Variants in IL31RA observed in about 807,000 individuals in gnomAD.
IL31RA encodes interleukin 31 receptor A, also known as interleukin-31 receptor subunit alpha.
A neutral mutation model predicts 83.7 loss-of-function variants in IL31RA; 66 were observed. That is an observed-to-expected ratio of 0.79 (90% CI 0.65 to 0.97). The LOEUF is 0.97. Ranked by LOEUF, IL31RA falls within the 50% of genes least tolerant of loss-of-function variation. IL31RA has a pLI of 0.00. For missense variants in IL31RA, 798 were observed against 919.4 expected (o/e 0.87, Z 1.71); for synonymous variants, 325 against 329.0 (o/e 0.99, Z 0.13).
chr5:55,901,598 T>C (rs954994741), intron 8 of IL31RA, among the ~76,000 whole-genome samples: 7 of 130,704 alleles, frequency 5.4e-5, no homozygotes, highest in Admixed American at 1.4e-4. Flanking sequence ...TTATTATTAT[T>C]ATTATTATTA....
At chr5:55,885,006 AATT>A (rs1361155740) in intron 5 of IL31RA, among the ~76,000 whole-genome samples, 1 of 152,218 alleles carries the variant, frequency 6.6e-6, no homozygotes, top group Non-Finnish European at 1.5e-5. Context: ...ACCTTTATCT[AATT>A]ATTAATAAAA....
At position 55,921,157 on chromosome 5, in the gene IL31RA, T is replaced by C. The variant is rs1282781135; in HGVS notation, c.*4037T>C. Among the ~76,000 whole-genome samples, 3 of 152,234 alleles carry C rather than the reference T, an allele frequency of 2.0e-5. No individual in the cohort carries two copies. The highest frequency in any genetic ancestry group is 4.4e-5 in the Non-Finnish European group (3 of 68,042). On this transcript the variant is annotated 3_prime_UTR_variant, in exon 15 of 15. Transcript: ENST00000652347. ...CTCCCCTCTAGGTGTCCCCTCTTTT[T>C]TCTAATTTAAAATTTGTTTTAAATT...
Position 55,913,565 on chromosome 5 carries a change from A to C in IL31RA, c.1731A>C (p.Lys577Asn). The stretch of plus-strand genomic sequence containing the variant: ...TGACAGTGGCATATGGTCTCAAAAA[A>C]CCCAAGTGAGTCTGCAGACAACAGT... ...IILTVAYGLK[K>N]PNKLTHLCWP... Residue 577 changes from lysine (K) to asparagine (N), a missense_variant, in exon 13 of 15, where the codon AAA becomes AAC. Coordinates refer to ENST00000652347, the MANE Select transcript of IL31RA (RefSeq NM_139017.7). 4 of 1,606,728 alleles carry C rather than the reference A, an allele frequency of 2.5e-6. No individual in the cohort carries two copies. The highest frequency in any genetic ancestry group is 3.4e-6 in the Non-Finnish European group (4 of 1,173,268).
chr5:55,867,276 T>TGC (rs1746218652), intron 2 of IL31RA, among the ~76,000 whole-genome samples: 1 of 103,026 alleles, frequency 9.7e-6, no homozygotes. Context: ...TGCGTGTGTG[T>TGC]GCATGTGTGT....
At chr5:55,881,086 A>C (rs1295069781) in intron 4 of IL31RA, among the ~76,000 whole-genome samples, 1 of 152,100 alleles carries the variant, frequency 6.6e-6, no homozygotes, top group Non-Finnish European at 1.5e-5. Flanking sequence ...GCGGATCACG[A>C]GGTCAGGAGC....
chr5:55,896,508 T>G, intron 7 of IL31RA, 79 bp downstream of exon 7: 1 of 763,728 alleles, frequency 1.3e-6, no homozygotes, highest in South Asian at 1.4e-5. Context: ...TTCCCTCCCT[T>G]CCATCCCTTC....
At chr5:55,845,773 GTC>G in the IL31RA span, among the ~76,000 whole-genome samples, 64 of 152,290 alleles carry the variant, frequency 4.2e-4, no homozygotes, top group African/African-American at 1.5e-3. Flanking sequence ...AAATTACCCA[GTC>G]TCGGGTGTTT....
chr5:55,884,406 A>G (rs1029657810), intron 5 of IL31RA, among the ~76,000 whole-genome samples: 2 of 152,152 alleles, frequency 1.3e-5, no homozygotes, highest in Non-Finnish European at 2.9e-5. Context: ...CTGAAATTGT[A>G]TCACCTTTTT....
chr5:55,917,171 C>A lies in IL31RA; in HGVS notation c.*51C>A. 6.2e-7 allele frequency: 1 copy of A among 1,612,398 alleles called. No homozygotes were observed. Among genetic ancestry groups the A allele is most frequent in the South Asian group, 1.1e-5 (1 of 90,856 alleles). On this transcript the variant is annotated 3_prime_UTR_variant, in exon 15 of 15. Coordinates refer to ENST00000652347, the MANE Select transcript of IL31RA (RefSeq NM_139017.7). ...GGGCCTCAGTGTGGATGGCCCTTGC[C>A]AGAGAAGATGTCAAGACTCGGCACG...
chr5:55,905,055 G>A (rs1177254031), intron 8 of IL31RA, among the ~76,000 whole-genome samples: 1 of 151,604 alleles, frequency 6.6e-6, no homozygotes, highest in Admixed American at 6.6e-5. Flanking sequence ...CAAAAAATTA[G>A]CCAGGTGTGT....
In IL31RA at chr5:55,898,175, CA is replaced by C. The variant is rs1748545953; in HGVS notation, c.853-1739del. On this transcript the variant is annotated intron_variant, in intron 7 of 14. Coordinates refer to ENST00000652347, the MANE Select transcript of IL31RA (RefSeq NM_139017.7). The stretch of plus-strand genomic sequence containing the variant: ...CAACACATTTTTGGGGGAGGAAAGC[CA>C]ACAACCTCACACGCCCACATGTGGT... Among the ~76,000 whole-genome samples the C allele has an allele frequency of 2.0e-5, 3 of 152,148 alleles. No homozygotes were observed. The South Asian group carries it at 6.2e-4, about 31-fold the overall frequency.
At chr5:55,863,839 ACT>A (rs1202679374) in intron 2 of IL31RA, among the ~76,000 whole-genome samples, 5 of 152,050 alleles carry the variant, frequency 3.3e-5, no homozygotes, top group African/African-American at 9.7e-5. Context: ...CAGATATTTA[ACT>A]CTCTTTTTAG....
chr5:55,914,925 C>A lies in IL31RA; in HGVS notation c.1815C>A (p.Phe605Leu). 6.2e-7 allele frequency: 1 copy of A among 1,608,384 alleles called. No homozygotes were observed. Among genetic ancestry groups the A allele is most frequent in the South Asian group, 1.1e-5 (1 of 90,962 alleles). Residue 605 changes from phenylalanine (F) to leucine (L), a missense_variant, in exon 14 of 15, where the codon TTC becomes TTA. Coordinates refer to ENST00000652347, the MANE Select transcript of IL31RA (RefSeq NM_139017.7). ...TAGCCACATGGCATGGAGATGATTT[C>A]AAGGTAAACTCTCCTGTTTTTATTA... ...SSIATWHGDD[F>L]KDKLNLKESD...
chr5:55,883,328 C>G, intron 5 of IL31RA, 133 bp downstream of exon 5: 1 of 858,906 alleles, frequency 1.2e-6, no homozygotes, highest in Non-Finnish European at 1.9e-6. Flanking sequence ...CTAAGTACTT[C>G]TCCTTCCAGT....
chr5:55,846,666 G>A (rs961015923), upstream of IL31RA, among the ~76,000 whole-genome samples: 9 of 152,116 alleles, frequency 5.9e-5, no homozygotes, highest in Admixed American at 6.5e-5. Flanking sequence ...GCTTGGTGTC[G>A]TGCGCCTGTA....
chr5:55,913,361 A>T, intron 12 of IL31RA, 116 bp from the exon 13 acceptor site: 1 of 753,272 alleles, frequency 1.3e-6, no homozygotes. Flanking sequence ...AATTTAACTG[A>T]AAGAAAACTA....
chr5:55,902,623 C>T (rs1299480077), intron 8 of IL31RA, among the ~76,000 whole-genome samples: 4 of 152,042 alleles, frequency 2.6e-5, no homozygotes, highest in Non-Finnish European at 2.9e-5. Flanking sequence ...AGTGACAGAG[C>T]GAGACCCTGT....
At chr5:55,892,682 G>T (rs1020164076) in intron 6 of IL31RA, among the ~76,000 whole-genome samples, 2 of 152,156 alleles carry the variant, frequency 1.3e-5, no homozygotes, top group African/African-American at 4.8e-5. Flanking sequence ...CCCTGCCATG[G>T]CTGTCACTCT....
intron 4 of IL31RA, among the ~76,000 whole-genome samples, chr5:55,875,754 ACTTT>A (rs1746809071): frequency 6.6e-6 from 1 of 152,150 alleles, no homozygotes; most frequent in Non-Finnish European, 1.5e-5. Flanking sequence ...AACAAAGCAA[ACTTT>A]CTAGTCCTTC....
Sources: gnomAD v4.1 joint callset for allele counts (sites outside exome capture counted in the v4.1 genomes callset) on GRCh38, gnomAD v4.1.1 for gene constraint, MANE v1.5 for transcripts, NCBI Gene and HGNC (gene_info 2026-07-23, HGNC 2026-07-21) for gene names.